POLR3B: variants seen among roughly 807,000 people sequenced by gnomAD.
POLR3B encodes DNA-directed RNA polymerase III subunit RPC2.
A neutral mutation model predicts 147.4 loss-of-function variants in POLR3B; 96 were observed. The ratio of observed to expected loss-of-function variants is 0.65; its 90% CI spans 0.55 to 0.77. POLR3B has a LOEUF of 0.77. Among genes scored for constraint, POLR3B ranks in the 30% least tolerant of loss-of-function variants. POLR3B has a pLI of 0.00. For synonymous variants in POLR3B, 461 were observed against 485.9 expected, an observed-to-expected ratio of 0.95 and a Z score of 0.67; for missense variants, 1,036 against 1,413.5, an observed-to-expected ratio of 0.73 and a Z score of 4.28.
chr12:106,376,511 G>A (rs895155559), intron 7 of POLR3B, 61 bp downstream of exon 7: 3 of 1,180,720 alleles, frequency 2.5e-6, no homozygotes, highest in African/African-American at 1.5e-5. Context: ...CTGCTGCTGT[G>A]GTTTTAACAT....
intron 8 of POLR3B, among the ~76,000 whole-genome samples, chr12:106,379,244 G>A (rs995263110): frequency 9.9e-5 from 15 of 152,160 alleles, no homozygotes; most frequent in Admixed American, 4.6e-4. Flanking sequence ...ACCCAGATAC[G>A]GTTAATTTTA....
chr12:106,465,714 T>C (rs2037995486), intron 23 of POLR3B, among the ~76,000 whole-genome samples: 1 of 152,196 alleles, frequency 6.6e-6, no homozygotes, highest in Non-Finnish European at 1.5e-5. Context: ...CATGCAGTGT[T>C]TGGTTTTCTG....
At chr12:106,455,258 G>A (rs10047654) in intron 20 of POLR3B, among the ~76,000 whole-genome samples, 59,797 of 151,992 alleles carry the variant, frequency 0.39, 13,989 homozygotes, top group African/African-American at 0.65. Context: ...TCACCACCTC[G>A]TGGTTTGTTA....
intron 7 of POLR3B, among the ~76,000 whole-genome samples, chr12:106,378,061 C>T (rs988549329): frequency 1.3e-5 from 2 of 152,136 alleles, no homozygotes; most frequent in Non-Finnish European, 2.9e-5. Context: ...GCACTCCAGC[C>T]TCGGCGACAA....
intron 1 of POLR3B, among the ~76,000 whole-genome samples, chr12:106,359,713 A>G (rs1303699261): frequency 6.6e-6 from 1 of 152,238 alleles, no homozygotes; most frequent in African/African-American, 2.4e-5. Flanking sequence ...GTTCTGTTTA[A>G]CCATAACATG....
At chr12:106,434,997 C>G (rs1423641861) in intron 16 of POLR3B, among the ~76,000 whole-genome samples, 4 of 152,142 alleles carry the variant, frequency 2.6e-5, no homozygotes, top group African/African-American at 9.7e-5. Context: ...GGACTTGATT[C>G]ATTCTCCCAG....
intron 7 of POLR3B, among the ~76,000 whole-genome samples, chr12:106,377,919 T>C (rs1421678565): frequency 6.6e-6 from 1 of 152,008 alleles, no homozygotes; most frequent in African/African-American, 2.4e-5. Flanking sequence ...GAGACCCTGT[T>C]GTTACAAAAA....
intron 22 of POLR3B, among the ~76,000 whole-genome samples, chr12:106,462,761 C>T (rs1213918516): frequency 1.3e-5 from 2 of 152,156 alleles, no homozygotes; most frequent in African/African-American, 2.4e-5. Flanking sequence ...ATTAGGCCTT[C>T]GCTCAGGTTG....
intron 26 of POLR3B, among the ~76,000 whole-genome samples, chr12:106,503,602 A>G (rs1296422708): frequency 6.6e-6 from 1 of 152,232 alleles, no homozygotes; most frequent in Non-Finnish European, 1.5e-5. Flanking sequence ...CAAGAGGCTA[A>G]CAGCTCTGGC....
chr12:106,392,772 A>G (rs1343389617), intron 9 of POLR3B, among the ~76,000 whole-genome samples: 1 of 152,164 alleles, frequency 6.6e-6, no homozygotes, highest in African/African-American at 2.4e-5. Context: ...AAACTCTTAG[A>G]ATATTTAAAA....
chr12:106,378,849 T>C (rs1289930367), intron 8 of POLR3B, among the ~76,000 whole-genome samples: 2 of 152,218 alleles, frequency 1.3e-5, no homozygotes, highest in Non-Finnish European at 2.9e-5. Flanking sequence ...TCTTTCACAG[T>C]GTATTCATTT....
rs1162941657 is a variant in POLR3B at position 106,406,090 on chromosome 12, A to G, written c.966+114A>G. On this transcript the variant is annotated intron_variant, in intron 11 of 27. Transcript: ENST00000228347. ...GTCCAATTCCTCAAGAGAAAATTCT[A>G]AAGAGGACTGTACTGCCCCATCAGA... 6 of 1,113,936 alleles carry G rather than the reference A, an allele frequency of 5.4e-6. No individual in the cohort carries two copies. In the South Asian group the frequency reaches 6.6e-5, roughly 12 times the overall value. The allele number at this position is 1,113,936 out of a possible 1,614,324, so 69.0% of individuals were successfully genotyped here. A position where few individuals can be genotyped will look rare whatever the true frequency, so the allele number is the denominator to read the frequency against.
At chr12:106,362,625 C>T (rs1259338213) in intron 1 of POLR3B, among the ~76,000 whole-genome samples, 1 of 152,104 alleles carries the variant, frequency 6.6e-6, no homozygotes, top group Non-Finnish European at 1.5e-5. Context: ...TCCAATTTCT[C>T]CTTTTTTATA....
intron 9 of POLR3B, among the ~76,000 whole-genome samples, chr12:106,385,930 T>C (rs1053138184): frequency 1.3e-5 from 2 of 152,250 alleles, no homozygotes; most frequent in African/African-American, 4.8e-5. Flanking sequence ...TTAAATATAC[T>C]TTTTCTTTTC....
chr12:106,425,630 G>A (rs1313574777), intron 12 of POLR3B, among the ~76,000 whole-genome samples: 5 of 152,118 alleles, frequency 3.3e-5, no homozygotes, highest in Admixed American at 3.3e-4. Context: ...TCTTTCTCAG[G>A]TTTTCTCCTC....
chr12:106,395,314 C>G (rs1055228902), intron 10 of POLR3B, among the ~76,000 whole-genome samples: 12 of 152,158 alleles, frequency 7.9e-5, no homozygotes, highest in Non-Finnish European at 1.6e-4. Context: ...GGAACCAAAA[C>G]CTGCTTCTGG....
chr12:106,476,716 A>G (rs539634201), intron 23 of POLR3B, among the ~76,000 whole-genome samples: 12 of 151,040 alleles, frequency 7.9e-5, no homozygotes, highest in Admixed American at 3.9e-4. Context: ...TTTCAGCTCC[A>G]TCAGCTCCTT....
At position 106,496,782 on chromosome 12, in the gene POLR3B, A is replaced by C. The variant is rs781100960; in HGVS notation, c.2848A>C (p.Lys950Gln). The change falls in exon 25 of 28, where the codon AAG becomes CAG. Residue 950 changes from lysine (K) to glutamine (Q), a missense_variant. Physicochemically the swap from Lys to Gln is moderately conservative, Grantham distance 53. Transcript: ENST00000228347. ...VGKLIELLAG[K>Q]AGVLDGRFHY... ...GAAGCTCATTGAGCTGCTGGCTGGCAAGGCCGGTGTGCTGGACGGCAGATT... is the reference window on the plus strand; with the variant it reads ...GAAGCTCATTGAGCTGCTGGCTGGCCAGGCCGGTGTGCTGGACGGCAGATT... The C allele has an allele frequency of 1.9e-6, 3 of 1,614,152 alleles. No homozygotes were observed. Among genetic ancestry groups the C allele is most frequent in the Non-Finnish European group, 2.5e-6 (3 of 1,180,022 alleles).
Position 106,363,909 on chromosome 12 carries a change from G to A in POLR3B, c.105+7G>A. 1.3e-6 allele frequency: 2 copies of A among 1,588,694 alleles called. No homozygotes were observed. Among genetic ancestry groups the A allele is most frequent in the Non-Finnish European group, 1.7e-6 (2 of 1,159,036 alleles). On this transcript the variant is annotated splice_region_variant and intron_variant, in intron 2 of 27. Transcript: ENST00000228347. ...GCTTCCAGCATTTTTAAAGGTAATT[G>A]TTTCACATTTAATAATAATTGGTTA...
Sources: gnomAD v4.1 joint callset for allele counts (sites outside exome capture counted in the v4.1 genomes callset) on GRCh38, gnomAD v4.1.1 for gene constraint, MANE v1.5 for transcripts, NCBI Gene and HGNC (gene_info 2026-07-23, HGNC 2026-07-21) for gene names.